The following PCDHGB2 variants were observed in gnomAD, a reference collection of about 807,000 sequenced individuals.
PCDHGB2 encodes protocadherin gamma subfamily B, 2.
Under a neutral mutation model 59.3 loss-of-function variants are expected in PCDHGB2, and 55 were observed. The observed-to-expected ratio is 0.93, with a 90% CI of 0.75 to 1.16. The LOEUF is 1.16. Ranked by LOEUF, PCDHGB2 falls within the 50% of genes most tolerant of loss-of-function variation. The pLI, the probability that PCDHGB2 is intolerant of heterozygous loss-of-function variation, is 0.00. For missense variants in PCDHGB2, 1,228 were observed against 1,198.5 expected (o/e 1.02, Z -0.36); for synonymous variants, 516 against 512.0 (o/e 1.01, Z -0.11).
At chr5:141,438,571 T>TATAC (rs1212381177) in intron 1 of PCDHGB2, among the ~76,000 whole-genome samples, 15 of 94,542 alleles carry the variant, frequency 1.6e-4, no homozygotes, top group South Asian at 1.0e-3. Flanking sequence ...AGCTGTCTGA[T>TATAC]ATACATACAT....
intron 1 of PCDHGB2, chr5:141,384,384 C>T (rs142665639): frequency 6.2e-7 from 1 of 1,613,816 alleles, no homozygotes; most frequent in Non-Finnish European, 8.5e-7. Flanking sequence ...CCGAAGACAC[C>T]ATCCAGGGGG....
At chr5:141,369,970 G>T (rs1204473207) in intron 1 of PCDHGB2, among the ~76,000 whole-genome samples, 5 of 152,088 alleles carry the variant, frequency 3.3e-5, no homozygotes, top group Non-Finnish European at 7.4e-5. Context: ...ACAAGTAAAA[G>T]GTACTTGATT....
At chr5:141,397,632 G>A (rs1338700585) in intron 1 of PCDHGB2, among the ~76,000 whole-genome samples, 2 of 152,222 alleles carry the variant, frequency 1.3e-5, no homozygotes, top group African/African-American at 4.8e-5. Context: ...CTAGCTAAGA[G>A]TTCAAGGTAT....
chr5:141,379,410 A>T (rs1314256524), intron 1 of PCDHGB2: 1 of 152,226 alleles, frequency 6.6e-6, no homozygotes, highest in African/African-American at 2.4e-5. Context: ...CTTGGATATT[A>T]GTCTCATGAG....
chr5:141,413,574 T>C (rs773380895), intron 1 of PCDHGB2: 12 of 1,613,714 alleles, frequency 7.4e-6, no homozygotes, highest in Admixed American at 1.7e-5. Flanking sequence ...TCAATGACAA[T>C]GCTCCAAAAT....
At chr5:141,410,595 C>T (rs753833671) in intron 1 of PCDHGB2, 1 of 1,608,802 alleles carries the variant, frequency 6.2e-7, no homozygotes. Flanking sequence ...GAGGATTTGA[C>T]TTCACATCCT....
chr5:141,410,045 G>C (rs962300160), intron 1 of PCDHGB2: 1 of 1,613,166 alleles, frequency 6.2e-7, no homozygotes. Context: ...CAGTGAGCCC[G>C]GACTCTTCAG....
At chr5:141,413,336 A>G (rs1561741680) in intron 1 of PCDHGB2, 1 of 1,613,972 alleles carries the variant, frequency 6.2e-7, no homozygotes, top group Non-Finnish European at 8.5e-7. Flanking sequence ...AACATCTCCA[A>G]GGACTTGGGT....
At position 141,512,881 on chromosome 5, in the gene PCDHGB2, C is replaced by T. The variant is rs1274589284; in HGVS notation, c.*1708C>T. 1.3e-5 allele frequency: 2 copies of T among 152,268 alleles called. No homozygotes were observed. Among genetic ancestry groups the T allele is most frequent in the African/African-American group, 4.8e-5 (2 of 41,458 alleles). 9.4% of individuals were successfully genotyped at this position (152,268 alleles called of 1,614,324 possible). On this transcript the variant is annotated 3_prime_UTR_variant, in exon 4 of 4. Coordinates refer to ENST00000522605, the MANE Select transcript of PCDHGB2 (RefSeq NM_018923.3). Reference sequence around the variant, plus strand: ...TCGCATAGTCACGTAGCTCCCACCCCACCCTCTTCCTGTGTCTCACGCAAG... The same window carrying T: ...TCGCATAGTCACGTAGCTCCCACCCTACCCTCTTCCTGTGTCTCACGCAAG...
At chr5:141,392,901 C>G in intron 1 of PCDHGB2, 1 of 1,613,832 alleles carries the variant, frequency 6.2e-7, no homozygotes, top group Non-Finnish European at 8.5e-7. Context: ...CGGGAGGGGA[C>G]AGATTCGCTA....
chr5:141,451,536 G>A (rs1183287437), intron 1 of PCDHGB2, among the ~76,000 whole-genome samples: 1 of 152,202 alleles, frequency 6.6e-6, no homozygotes, highest in Non-Finnish European at 1.5e-5. Context: ...GAGAGTGCCA[G>A]AGAGGGCAAA....
chr5:141,376,204 C>A lies in PCDHGB2; in HGVS notation c.2421+13648C>A, dbSNP rs185484474. 2.5e-6 allele frequency: 4 copies of A among 1,614,198 alleles called. No individual in the cohort carries two copies. In the African/African-American group the frequency reaches 5.3e-5, roughly 22 times the overall value. On this transcript the variant is annotated intron_variant, in intron 1 of 3. Coordinates refer to ENST00000522605, the MANE Select transcript of PCDHGB2 (RefSeq NM_018923.3). The stretch of plus-strand genomic sequence containing the variant: ...CGGTCTCCTGCGTCTTCCTGGCCTT[C>A]GTCATCGTGCTGCTGGCGCTCAGAC...
chr5:141,421,741 C>A lies in PCDHGB2; in HGVS notation c.2421+59185C>A. 3 of 1,613,902 alleles carry A rather than the reference C, an allele frequency of 1.9e-6. No individual in the cohort carries two copies. The South Asian group carries it at 3.3e-5, about 18-fold the overall frequency. ...GGGCGTGAACTCCCTCCAGAGCTAC[C>A]AGCTCAGCCCTAATAATTACTTTTC... On this transcript the variant is annotated intron_variant, in intron 1 of 3. Transcript: ENST00000522605.
At position 141,410,196 on chromosome 5, in the gene PCDHGB2, C is replaced by A. The variant is rs773310778; in HGVS notation, c.2421+47640C>A. 7.4e-6 allele frequency: 12 copies of A among 1,613,866 alleles called. No individual in the cohort carries two copies. In the South Asian group the frequency reaches 1.2e-4, roughly 16 times the overall value. On this transcript the variant is annotated intron_variant, in intron 1 of 3. Transcript: ENST00000522605. ...ACCGCCACGCTTCATCTGGTCTTCG[C>A]AGACAACTTGCAAGAGATACTGCCA... is the stretch of plus-strand genomic sequence containing the variant.
chr5:141,383,681 T>G (rs1299329378), intron 1 of PCDHGB2: 2 of 1,613,902 alleles, frequency 1.2e-6, no homozygotes, highest in Non-Finnish European at 1.7e-6. Flanking sequence ...GGTACAAGAC[T>G]GCTCACGGTA....
At chr5:141,409,872 A>T in intron 1 of PCDHGB2, 1 of 1,612,828 alleles carries the variant, frequency 6.2e-7, no homozygotes. Context: ...GACCGCAATG[A>T]CAACGCACCG....
chr5:141,466,992 A>ATTT (rs985433044), intron 1 of PCDHGB2, among the ~76,000 whole-genome samples: 1 of 148,706 alleles, frequency 6.7e-6, no homozygotes, highest in African/African-American at 2.5e-5. Flanking sequence ...ACCTTTTGGC[A>ATTT]TTTTTTTGCA....
intron 1 of PCDHGB2, chr5:141,375,937 A>G (rs777064247): frequency 1.5e-5 from 24 of 1,613,516 alleles, no homozygotes; most frequent in African/African-American, 6.7e-5. Flanking sequence ...GACTTTTCTC[A>G]GTGGGCCTGC....
intron 1 of PCDHGB2, chr5:141,422,014 C>A: frequency 6.2e-7 from 1 of 1,610,158 alleles, no homozygotes; most frequent in Non-Finnish European, 8.5e-7. Flanking sequence ...AACTCGGGTG[C>A]TGATGGTTAA....
Sources: allele counts gnomAD v4.1 joint callset (sites outside exome capture counted in the v4.1 genomes callset), GRCh38; gene constraint gnomAD v4.1.1; transcripts MANE v1.5; gene names NCBI Gene and HGNC (gene_info 2026-07-23, HGNC 2026-07-21).